HYDIN: variants seen among roughly 807,000 people sequenced by gnomAD.
HYDIN encodes axonemal central pair apparatus protein HYDIN.
Under a neutral mutation model 403.9 loss-of-function variants are expected in HYDIN, and 132 were observed. The observed-to-expected ratio is 0.33, with a 90% CI of 0.28 to 0.38. HYDIN has a LOEUF of 0.38. HYDIN is among the 10% of genes least tolerant of loss of function. The probability of loss-of-function intolerance (pLI) is 1.00; values close to 1 mark genes in which losing one functional copy is unlikely to be tolerated. For synonymous variants in HYDIN, 1,202 were observed against 1,891.7 expected, an observed-to-expected ratio of 0.64 and a Z score of 9.46; for missense variants, 2,827 against 5,009.5, an observed-to-expected ratio of 0.56 and a Z score of 13.15.
intron 13 of HYDIN, among the ~76,000 whole-genome samples, chr16:71,073,044 T>G (rs915827977): frequency 6.6e-6 from 1 of 152,220 alleles, no homozygotes; most frequent in African/African-American, 2.4e-5. Context: ...GGATCTTAAG[T>G]AGAGGTTTTC....
chr16:70,813,309 C>T (rs1239388161), intron 84 of HYDIN, among the ~76,000 whole-genome samples: 4 of 150,630 alleles, frequency 2.7e-5, no homozygotes, highest in South Asian at 2.1e-4. Flanking sequence ...GGGAAGTGAG[C>T]GAGCTGCCAT....
chr16:71,020,372 T>G (rs1279687484), intron 21 of HYDIN, 55 bp from the exon 22 acceptor site: 3 of 1,570,400 alleles, frequency 1.9e-6, no homozygotes, highest in Non-Finnish European at 2.6e-6. Flanking sequence ...ACAGTAAGCT[T>G]TTAGCAACAA....
chr16:71,003,923 T>C (rs1250858674), intron 23 of HYDIN, among the ~76,000 whole-genome samples: 1 of 152,154 alleles, frequency 6.6e-6, no homozygotes, highest in Middle Eastern at 3.4e-3. Context: ...AGATAATAAT[T>C]ACATGACTTT....
intron 5 of HYDIN, among the ~76,000 whole-genome samples, chr16:71,167,409 T>C (rs2086277578): frequency 6.7e-6 from 1 of 149,636 alleles, no homozygotes; most frequent in Non-Finnish European, 1.5e-5. Flanking sequence ...GACTGAGCAT[T>C]AACTGAGGCG....
At chr16:71,109,115 C>T (rs938308228) in intron 10 of HYDIN, among the ~76,000 whole-genome samples, 8 of 151,838 alleles carry the variant, frequency 5.3e-5, no homozygotes, top group Non-Finnish European at 7.4e-5. Flanking sequence ...TGTAACATGT[C>T]CCCAGATTCT....
In HYDIN at chr16:70,862,037, C is replaced by G. The variant is rs2039446939; in HGVS notation, c.11777+11G>C. 1 of 1,554,858 alleles carries G rather than the reference C, an allele frequency of 6.4e-7. No individual in the cohort carries two copies. Among genetic ancestry groups the G allele is most frequent in the South Asian group, 1.2e-5 (1 of 83,774 alleles). On this transcript the variant is annotated intron_variant, in intron 69 of 85. Coordinates refer to ENST00000393567, the MANE Select transcript of HYDIN (RefSeq NM_001270974.2). Reference sequence around the variant, plus strand: ...GCCAAGAAGGGTGTTGTGGCGAGCACATTTTCTTACTGGCAGAAAAGGTTG... The same window carrying G: ...GCCAAGAAGGGTGTTGTGGCGAGCAGATTTTCTTACTGGCAGAAAAGGTTG...
In HYDIN at chr16:70,805,078, T is replaced by G. The variant is rs1432341334; in HGVS notation, c.*2502A>C. Among the ~76,000 whole-genome samples, 1 of 152,236 alleles carries G rather than the reference T, an allele frequency of 6.6e-6. No homozygotes were observed. Among genetic ancestry groups the G allele is most frequent in the African/African-American group, 2.4e-5 (1 of 41,472 alleles). Reference sequence around the variant, plus strand: ...TTGAAGAGTAGGGTGAGGGACCAATTGCTTCCCTTCTCCTAACCTATACCT... The same window carrying G: ...TTGAAGAGTAGGGTGAGGGACCAATGGCTTCCCTTCTCCTAACCTATACCT... On this transcript the variant is annotated 3_prime_UTR_variant, in exon 86 of 86. Transcript: ENST00000393567.
At chr16:70,847,351 T>C (rs924525958) in intron 75 of HYDIN, among the ~76,000 whole-genome samples, 2 of 152,236 alleles carry the variant, frequency 1.3e-5, no homozygotes, top group African/African-American at 4.8e-5. Flanking sequence ...TTTATACTGA[T>C]TTTATATAAC....
In HYDIN at chr16:71,028,686, C is replaced by T. The variant is rs368885596; in HGVS notation, c.2769-811G>A. Among the ~76,000 whole-genome samples the T allele has an allele frequency of 1.4e-3, 206 of 151,666 alleles. 2 individuals carry two copies. The East Asian group carries it at 0.033, about 24-fold the overall frequency. ...TGAGATTTCATCCCATCTGTTCCTC[C>T]TTAGGAAATGACATCATGCCTGGTA... is the stretch of plus-strand genomic sequence containing the variant. On this transcript the variant is annotated intron_variant, in intron 19 of 85. Transcript: ENST00000393567.
intron 1 of HYDIN, among the ~76,000 whole-genome samples, chr16:71,194,345 A>C (rs1335438039): frequency 6.6e-6 from 1 of 152,216 alleles, no homozygotes; most frequent in Non-Finnish European, 1.5e-5. Flanking sequence ...AGGGAGGCGG[A>C]GGTTGCAGTG....
At chr16:70,985,873 C>A (rs1227774529) in intron 27 of HYDIN, among the ~76,000 whole-genome samples, 1 of 136,078 alleles carries the variant, frequency 7.3e-6, no homozygotes, top group Non-Finnish European at 1.5e-5. Flanking sequence ...CCAAACACCG[C>A]ATGTTCTCAC....
In HYDIN at chr16:71,218,436, G is replaced by A. The variant is rs1404656830; in HGVS notation, c.-24+12126C>T. ...TCTTCTGAAGAACCCACTGGGTTAC[G>A]TGATTCTATTCAGTTTAATTGTATA... On this transcript the variant is annotated intron_variant, in intron 1 of 85. Transcript: ENST00000393567. Among the ~76,000 whole-genome samples, 9 of 152,290 alleles carry A rather than the reference G, an allele frequency of 5.9e-5. No individual in the cohort carries two copies. In the South Asian group the frequency reaches 1.0e-3, roughly 18 times the overall value.
chr16:70,876,109 C>A (rs1281519052), intron 62 of HYDIN, among the ~76,000 whole-genome samples: 1 of 151,474 alleles, frequency 6.6e-6, no homozygotes, highest in Non-Finnish European at 1.5e-5. Flanking sequence ...AGGTCAGTCT[C>A]ACTTTCTGGG....
intron 6 of HYDIN, among the ~76,000 whole-genome samples, chr16:71,157,527 A>G (rs1201630864): frequency 6.6e-6 from 1 of 150,534 alleles, no homozygotes; most frequent in Non-Finnish European, 1.5e-5. Context: ...AAATTCAACC[A>G]CATTCTTTCT....
At chr16:70,860,563 A>T (rs2039344794) in intron 70 of HYDIN, 126 bp downstream of exon 70, 2 of 392,748 alleles carry the variant, frequency 5.1e-6, no homozygotes, top group Admixed American at 4.4e-5. Context: ...CAAACCTCTA[A>T]AACTCAGGTC....
intron 16 of HYDIN, chr16:71,062,650 A>G (rs2082131183): frequency 4.6e-6 from 1 of 216,246 alleles, no homozygotes; most frequent in South Asian, 8.1e-5. Context: ...CAAGTTCCTT[A>G]ACCTGGCCCT....
At chr16:71,042,291 C>A (rs1389492637) in intron 18 of HYDIN, among the ~76,000 whole-genome samples, 1 of 152,210 alleles carries the variant, frequency 6.6e-6, no homozygotes, top group Non-Finnish European at 1.5e-5. Flanking sequence ...GAATCCTTAC[C>A]TGTCAACACA....
chr16:70,891,090 T>C (rs2041436428), intron 57 of HYDIN, among the ~76,000 whole-genome samples: 1 of 152,084 alleles, frequency 6.6e-6, no homozygotes, highest in African/African-American at 2.4e-5. Flanking sequence ...AAATTTATGA[T>C]ATATTCTACA....
chr16:70,880,500 G>C (rs2040726136), intron 60 of HYDIN, among the ~76,000 whole-genome samples: 1 of 152,054 alleles, frequency 6.6e-6, no homozygotes, highest in Admixed American at 6.5e-5. Flanking sequence ...AGCATCCGCT[G>C]GTCTTCTAAA....
Sources: gnomAD v4.1 joint callset for allele counts (sites outside exome capture counted in the v4.1 genomes callset) on GRCh38, gnomAD v4.1.1 for gene constraint, MANE v1.5 for transcripts, NCBI Gene and HGNC (gene_info 2026-07-23, HGNC 2026-07-21) for gene names.